Variants in ALDH3A1 observed in about 807,000 individuals in gnomAD.
The protein encoded by ALDH3A1 is aldehyde dehydrogenase 3 family member A1.
In ALDH3A1, 46 loss-of-function variants were observed where a neutral mutation model predicts 49.9. The ratio of observed to expected loss-of-function variants is 0.92; its 90% confidence interval spans 0.73 to 1.18. The LOEUF (loss-of-function observed/expected upper bound fraction) is 1.18. ALDH3A1 is among the 50% of genes most tolerant of loss of function. The pLI is 0.00. For synonymous variants in ALDH3A1, 269 were observed against 253.3 expected (o/e 1.06, Z -0.59); for missense variants, 592 against 611.8 (o/e 0.97, Z 0.34).
At position 19,745,023 on chromosome 17, in the gene ALDH3A1, A is replaced by G. The variant is rs777415702; in HGVS notation, c.107T>C (p.Leu36Pro). 2 of 1,594,346 alleles carry G rather than the reference A, an allele frequency of 1.3e-6. No individual in the cohort carries two copies. The highest frequency in any genetic ancestry group is 2.7e-5 in the African/African-American group (2 of 74,246). Residue 36 changes from leucine to proline, a missense_variant, in exon 2 of 11, where the codon CTG becomes CCG. Transcript: ENST00000225740. ...CAGCTCCTGCTCCTGCTCCTGGATC[A>G]GGCGCTGCAGCGCCTCCAGCTGCTG... is the stretch of plus-strand genomic sequence containing the variant. ...RIQQLEALQRLIQEQEQELVG... is the reference protein window; with the variant it reads ...RIQQLEALQRPIQEQEQELVG...
chr17:19,738,444 C>G lies in ALDH3A1; in HGVS notation c.1226G>C (p.Gly409Ala). Residue 409 changes from glycine (G) to alanine (A), a missense_variant, in exon 10 of 11, where the codon GGC becomes GCC. By Grantham distance (60) the Gly-to-Ala change is moderately conservative (BLOSUM62 0). Transcript: ENST00000225740. ...CTTCTTGCCATGGTAGGATCCCATG[C>G]CGCTGTTCCCTGCGGAGGAGAAGTA... ...SLPFGGVGNS[G>A]MGSYHGKKSF... 1 of 1,611,970 alleles carries G rather than the reference C, an allele frequency of 6.2e-7. No homozygotes were observed. The highest frequency in any genetic ancestry group is 8.5e-7 in the Non-Finnish European group (1 of 1,178,498).
At chr17:19,744,739 G>T in intron 2 of ALDH3A1, 1 of 1,358,542 alleles carries the variant, frequency 7.4e-7, no homozygotes. Context: ...CGCTGCGGGC[G>T]GGACGCGGAG....
At chr17:19,742,478 C>A in intron 4 of ALDH3A1, 67 bp downstream of exon 4, 1 of 1,527,406 alleles carries the variant, frequency 6.5e-7, no homozygotes, top group Non-Finnish European at 8.9e-7. Context: ...ATTTCTCACC[C>A]CCCAAAGACC....
Position 19,748,160 on chromosome 17 carries a change from G to T in ALDH3A1, c.-6+99C>A. The stretch of plus-strand genomic sequence containing the variant: ...TGGTCCCAGAGGCAGGGACCCCCTG[G>T]AGAGATGATGTAGGACTCTTGACAC... On this transcript the variant is annotated intron_variant, in intron 1 of 10. Coordinates refer to ENST00000225740, the MANE Select transcript of ALDH3A1 (RefSeq NM_000691.5). This position sits in a 1 kb window ranked among gnomAD's most constrained non-coding sequence, Gnocchi z 4.4. The T allele has an allele frequency of 2.9e-6, 1 of 349,624 alleles. No homozygotes were observed. Among genetic ancestry groups the T allele is most frequent in the Non-Finnish European group, 5.7e-6 (1 of 174,002 alleles). The allele number at this position is 349,624 out of a possible 1,614,324, so 21.7% of individuals were successfully genotyped here. A position where few individuals can be genotyped will look rare whatever the true frequency, so the allele number is the denominator to read the frequency against.
At position 19,742,544 on chromosome 17, in the gene ALDH3A1, C is replaced by T. The variant is rs1364566000; in HGVS notation, c.480+1G>A. ...TTACGAGGCCCTGGAGGGCAACTCA[C>T]CTTGTCCAGGTACTGGGGGATGATG... On this transcript the variant is annotated splice_donor_variant, in intron 4 of 10. Transcript: ENST00000225740. LOFTEE classifies it high-confidence loss of function. The T allele has an allele frequency of 1.2e-6, 2 of 1,612,130 alleles. No homozygotes were observed. The highest frequency in any genetic ancestry group is 1.1e-5 in the South Asian group (1 of 90,978).
In ALDH3A1 at chr17:19,740,719, T is replaced by C. The variant is rs3786037; in HGVS notation, c.808-242A>G. ...AGGCTGGAGTGCAGTGGTGCAATCA[T>C]AGCTCACTGCAGCCTCAAACTCCTG... On this transcript the variant is annotated intron_variant, in intron 6 of 10. Transcript: ENST00000225740. 2.5e-3 allele frequency among the ~76,000 whole-genome samples: 373 copies of C among 152,170 alleles called. 16 individuals are homozygous for C. The East Asian group carries it at 0.06, about 24-fold the overall frequency.
At chr17:19,744,667 C>T in intron 2 of ALDH3A1, 1 of 985,336 alleles carries the variant, frequency 1.0e-6, no homozygotes, top group African/African-American at 1.7e-5. Flanking sequence ...CTGCGTGGGG[C>T]TGAGGAATGG....
chr17:19,738,335 CGGG>C lies in ALDH3A1; in HGVS notation c.1332_1334del (p.Pro445del). 1.4e-5 allele frequency: 22 copies of C among 1,613,154 alleles called. No individual in the cohort carries two copies. The highest frequency in any genetic ancestry group is 1.9e-5 in the Non-Finnish European group (22 of 1,179,214). Reference sequence around the variant, plus strand: ...TTCCCCCTCTCACCTTGGCCGGGCTCGGGGGGTATCTGACCTTCAGGCCTTCAT... The same window carrying C: ...TTCCCCCTCTCACCTTGGCCGGGCTCGGGTATCTGACCTTCAGGCCTTCAT... On this transcript the variant is annotated inframe_deletion, in exon 10 of 11. Transcript: ENST00000225740.
intron 5 of ALDH3A1, 99 bp from the exon 6 acceptor site, chr17:19,741,309 CTG>C: frequency 9.4e-7 from 1 of 1,059,892 alleles, no homozygotes; most frequent in Non-Finnish European, 1.4e-6. Context: ...AAGCCATCGG[CTG>C]TGACCTTGCC....
intron 1 of ALDH3A1, 60 bp from the exon 2 acceptor site, chr17:19,745,194 C>T (rs1032556384): frequency 2.7e-6 from 4 of 1,486,334 alleles, no homozygotes; most frequent in Non-Finnish European, 3.6e-6. Context: ...GCCTCCCACC[C>T]TGCCTGAATT....
At chr17:19,740,602 CTTT>C in intron 6 of ALDH3A1, 125 bp from the exon 7 acceptor site, 1 of 1,084,674 alleles carries the variant, frequency 9.2e-7, no homozygotes, top group Non-Finnish European at 1.3e-6. Context: ...CTTTTTTCTT[CTTT>C]ATGCTTTTTA....
rs1482528662 is a variant in ALDH3A1 at position 19,742,789 on chromosome 17, G to A, written c.395-159C>T. On this transcript the variant is annotated intron_variant, in intron 3 of 10. Coordinates refer to ENST00000225740, the MANE Select transcript of ALDH3A1 (RefSeq NM_000691.5). ...AGCACATGTCACGGGGCACACCCAG[G>A]AGCACGCACGGGCACATGACAGAGG... 6 of 1,536,302 alleles carry A rather than the reference G, an allele frequency of 3.9e-6. No individual in the cohort carries two copies. In the South Asian group the frequency reaches 7.2e-5, roughly 18 times the overall value.
Position 19,744,910 on chromosome 17 carries a change from C to CCT in ALDH3A1, c.162+57_162+58insAG, listed in dbSNP as rs1555546888. On this transcript the variant is annotated intron_variant, in intron 2 of 10. Transcript: ENST00000225740. The stretch of plus-strand genomic sequence containing the variant: ...GGTCGCACTCTCCCCAGCCCCTCCC[C>CCT]CCACGCCCCATCGCATGGCCCCGAC... 3.7e-6 allele frequency: 4 copies of CCT among 1,067,480 alleles called. No individual in the cohort carries two copies. The African/African-American group carries it at 5.3e-5, about 14-fold the overall frequency. The allele number at this position is 1,067,480 out of a possible 1,614,324, so 66.1% of individuals were successfully genotyped here.
chr17:19,748,198 C>A lies in ALDH3A1; in HGVS notation c.-6+61G>T. The stretch of plus-strand genomic sequence containing the variant: ...GGACTCTTGACACTTAGGGCCCCGG[C>A]TCTGAGTGCAGACTCCACCTAGACA... On this transcript the variant is annotated intron_variant, in intron 1 of 10. Coordinates refer to ENST00000225740, the MANE Select transcript of ALDH3A1 (RefSeq NM_000691.5). This position sits in a 1 kb window ranked among gnomAD's most constrained non-coding sequence, Gnocchi z 4.4. 2.5e-6 allele frequency: 1 copy of A among 396,654 alleles called. No individual in the cohort carries two copies. Among genetic ancestry groups the A allele is most frequent in the South Asian group, 1.8e-5 (1 of 54,980 alleles). 24.6% of individuals were successfully genotyped at this position (396,654 alleles called of 1,614,324 possible).
rs72841927 is a variant in ALDH3A1, at chr17:19,740,820, T to C, written c.807+273A>G. ...ACAGGCATGCACCACCATGCCACCA[T>C]GCTTGGCTAATTTAAAAACATATTT... On this transcript the variant is annotated intron_variant, in intron 6 of 10. Transcript: ENST00000225740. 9.1e-4 allele frequency among the ~76,000 whole-genome samples: 138 copies of C among 152,220 alleles called. 1 individual carries two copies. Among genetic ancestry groups the C allele is most frequent in the Non-Finnish European group, 1.7e-3 (113 of 68,020 alleles).
At position 19,748,035 on chromosome 17, in the gene ALDH3A1, C is replaced by A. The variant is rs1333963261; in HGVS notation, c.-6+224G>T. ...CCCATCAGGGCCTCTCACTCCACGG[C>A]CACCTTGGTGTCCCTGCTCCGCGGA... On this transcript the variant is annotated intron_variant, in intron 1 of 10. Transcript: ENST00000225740. This position sits in a 1 kb window ranked among gnomAD's most constrained non-coding sequence, Gnocchi z 4.4. The A allele has an allele frequency of 1.4e-5, 3 of 217,050 alleles. No individual in the cohort carries two copies. The highest frequency in any genetic ancestry group is 6.7e-5 in the African/African-American group (3 of 44,512). The allele number at this position is 217,050 out of a possible 1,614,324, so 13.4% of individuals were successfully genotyped here.
intron 4 of ALDH3A1, 92 bp downstream of exon 4, chr17:19,742,450 TTGC>T: frequency 7.1e-7 from 1 of 1,415,358 alleles, no homozygotes; most frequent in Non-Finnish European, 9.7e-7. Context: ...GCTTGGCCCC[TTGC>T]TGCAAGAATT....
rs1177562973 is a variant in ALDH3A1, at chr17:19,740,405, C to T, written c.880G>A (p.Val294Met). ...TTCTGGCCCTCAATCAGGCCCATCA[C>T]CCTCTGGAAGTGCCGGGCACTAATG... ...RIISARHFQR[V>M]MGLIEGQKVA... The change falls in exon 7 of 11, where the codon GTG becomes ATG. Residue 294 changes from valine to methionine, a missense_variant. Physicochemically the swap from Val to Met is conservative, Grantham distance 21 (BLOSUM62 1). Coordinates refer to ENST00000225740, the MANE Select transcript of ALDH3A1 (RefSeq NM_000691.5). The T allele has an allele frequency of 8.7e-6, 14 of 1,614,136 alleles. No homozygotes were observed. Among genetic ancestry groups the T allele is most frequent in the Admixed American group, 1.7e-5 (1 of 60,020 alleles).
In ALDH3A1 at chr17:19,743,695, C is replaced by T; in HGVS notation, c.163-232G>A. ...GGGGGCCCAGGTAGGTTTGCGGCCC[C>T]AGGGGAGAGAGCCGGTGAAGGGACC... On this transcript the variant is annotated intron_variant, in intron 2 of 10. Coordinates refer to ENST00000225740, the MANE Select transcript of ALDH3A1 (RefSeq NM_000691.5). This position sits in a 1 kb window ranked among gnomAD's most constrained non-coding sequence, Gnocchi z 4.4. 1 of 985,126 alleles carries T rather than the reference C, an allele frequency of 1.0e-6. No homozygotes were observed. The highest frequency in any genetic ancestry group is 1.2e-6 in the Non-Finnish European group (1 of 829,874). The allele number at this position is 985,126 out of a possible 1,614,324, so 61.0% of individuals were successfully genotyped here.
Sources: allele counts gnomAD v4.1 joint callset (sites outside exome capture counted in the v4.1 genomes callset), GRCh38; gene constraint gnomAD v4.1.1; non-coding constraint Gnocchi (gnomAD v3.1); transcripts MANE v1.5; gene names NCBI Gene and HGNC (gene_info 2026-07-23, HGNC 2026-07-21).